PRKAA1: variants seen among roughly 807,000 people sequenced by gnomAD.
PRKAA1 encodes the protein 5'-AMP-activated protein kinase catalytic subunit alpha-1.
A neutral mutation model predicts 56.9 loss-of-function variants in PRKAA1; 23 were observed. The ratio of observed to expected loss-of-function variants is 0.40; its 90% CI spans 0.29 to 0.57. The LOEUF (loss-of-function observed/expected upper bound fraction) is 0.57. Ranked by LOEUF, PRKAA1 falls within the 20% of genes least tolerant of loss-of-function variation. The pLI is 0.39. For synonymous variants in PRKAA1, 226 were observed against 227.0 expected (o/e 1.00, Z 0.04); for missense variants, 413 against 679.7 (o/e 0.61, Z 4.36).
intron 1 of PRKAA1, 43 bp downstream of exon 1, chr5:40,798,020 G>A (rs1419660649): frequency 6.3e-7 from 1 of 1,596,134 alleles, no homozygotes; most frequent in Non-Finnish European, 8.6e-7. Flanking sequence ...GAAGTCGTGC[G>A]GCTCCTCAGC....
chr5:40,764,443 A>C, intron 8 of PRKAA1, 71 bp downstream of exon 8: 1 of 1,428,928 alleles, frequency 7.0e-7, no homozygotes, highest in Middle Eastern at 2.6e-4. Context: ...AGAAGCCTCA[A>C]AAGAATCAAG....
chr5:40,782,436 C>A (rs1372033636), intron 1 of PRKAA1, among the ~76,000 whole-genome samples: 1 of 152,096 alleles, frequency 6.6e-6, no homozygotes, highest in Non-Finnish European at 1.5e-5. Context: ...GGCTATGGGA[C>A]CTTCCCGGCC....
intron 1 of PRKAA1, among the ~76,000 whole-genome samples, chr5:40,797,789 T>C (rs1167217117): frequency 6.6e-6 from 1 of 152,002 alleles, no homozygotes; most frequent in East Asian, 1.9e-4. Context: ...AGTTTGCACC[T>C]TCGCATCCCA....
intron 8 of PRKAA1, among the ~76,000 whole-genome samples, chr5:40,763,266 C>A (rs1743278616): frequency 6.6e-6 from 1 of 152,058 alleles, no homozygotes; most frequent in South Asian, 2.1e-4. Flanking sequence ...CAGTTGCAAT[C>A]CAAGGTTAAG....
chr5:40,793,067 CAA>C (rs1235516933), intron 1 of PRKAA1, among the ~76,000 whole-genome samples: 8 of 109,168 alleles, frequency 7.3e-5, no homozygotes, highest in Admixed American at 9.7e-5. Flanking sequence ...AACTCCATCT[CAA>C]AAAAAAAAAA....
chr5:40,765,243 G>C lies in PRKAA1; in HGVS notation c.822-5C>G, dbSNP rs1433939166. 1 of 1,597,984 alleles carries C rather than the reference G, an allele frequency of 6.3e-7. No homozygotes were observed. Among genetic ancestry groups the C allele is most frequent in the African/African-American group, 1.3e-5 (1 of 74,242 alleles). On this transcript the variant is annotated splice_region_variant and splice_polypyrimidine_tract_variant and intron_variant, in intron 6 of 8. Coordinates refer to ENST00000397128, the MANE Select transcript of PRKAA1 (RefSeq NM_006251.6). ...TGTTTAAACCATTCATGTTCCCTGA[G>C]AGAAAAATGGCAGGATCAGGAGAAG...
intron 3 of PRKAA1, among the ~76,000 whole-genome samples, chr5:40,774,550 T>C (rs391241): frequency 0.7 from 90,844 of 129,322 alleles, 30,412 homozygotes; most frequent in East Asian, 0.8. Flanking sequence ...CCAGGCAGAA[T>C]TTTTTTTTTT....
At chr5:40,793,503 T>TA (rs1311351065) in intron 1 of PRKAA1, among the ~76,000 whole-genome samples, 4 of 152,222 alleles carry the variant, frequency 2.6e-5, no homozygotes, top group Non-Finnish European at 4.4e-5. Flanking sequence ...ATATCATACT[T>TA]AGACTTTTTC....
At chr5:40,795,002 T>TACACACACACACACAC (rs1268975851) in intron 1 of PRKAA1, among the ~76,000 whole-genome samples, 9 of 57,650 alleles carry the variant, frequency 1.6e-4, no homozygotes, top group African/African-American at 4.9e-4. Context: ...GGTGTATACA[T>TACACACACACACACAC]ATATATACAC....
At chr5:40,763,771 A>G (rs1432058867) in intron 8 of PRKAA1, among the ~76,000 whole-genome samples, 1 of 152,210 alleles carries the variant, frequency 6.6e-6, no homozygotes, top group Non-Finnish European at 1.5e-5. Context: ...TATGGACCTA[A>G]AGATAACCAG....
intron 1 of PRKAA1, among the ~76,000 whole-genome samples, chr5:40,786,118 G>A (rs550793207): frequency 5.3e-5 from 8 of 152,192 alleles, no homozygotes; most frequent in Non-Finnish European, 1.0e-4. Context: ...AGCCAGGAGT[G>A]GTGGAACACA....
chr5:40,763,926 T>C (rs1226378595), intron 8 of PRKAA1, among the ~76,000 whole-genome samples: 2 of 152,044 alleles, frequency 1.3e-5, no homozygotes, highest in African/African-American at 4.8e-5. Flanking sequence ...TAAGCAAAGG[T>C]GATACTATAT....
intron 1 of PRKAA1, 137 bp downstream of exon 1, chr5:40,797,926 C>T: frequency 7.1e-7 from 1 of 1,404,524 alleles, no homozygotes; most frequent in East Asian, 3.1e-5. Context: ...GGGGAGAGCT[C>T]CCGCAGGATC....
At chr5:40,782,630 CAAG>C (rs1289758234) in intron 1 of PRKAA1, among the ~76,000 whole-genome samples, 3 of 151,784 alleles carry the variant, frequency 2.0e-5, no homozygotes, top group South Asian at 2.1e-4. Flanking sequence ...TAGAGCAGAG[CAAG>C]AAGAATTTTA....
At chr5:40,768,810 TTC>T in intron 5 of PRKAA1, 1 of 1,478,050 alleles carries the variant, frequency 6.8e-7, no homozygotes. Context: ...CAAAGAGTTA[TTC>T]TTAAAAATAT....
rs1554031839 is a variant in PRKAA1 at position 40,774,549 on chromosome 5, A to ACTTTTTTTTTTTT, written c.363+860_363+861insAAAAAAAAAAAAG. Among the ~76,000 whole-genome samples the ACTTTTTTTTTTTT allele has an allele frequency of 2.4e-5, 3 of 125,084 alleles. 1 individual carries two copies. Among genetic ancestry groups the ACTTTTTTTTTTTT allele is most frequent in the African/African-American group, 6.2e-5 (2 of 32,464 alleles). 82.1% of individuals were successfully genotyped at this position (125,084 alleles called of 152,430 possible). Reference sequence around the variant, plus strand: ...CCTGTTTCCCATTTCTCCAGGCAGAATTTTTTTTTTTTTTTTTTTTTTGGT... The same window carrying ACTTTTTTTTTTTT: ...CCTGTTTCCCATTTCTCCAGGCAGAACTTTTTTTTTTTTTTTTTTTTTTTTTTTTTTTTTTGGT... On this transcript the variant is annotated intron_variant, in intron 3 of 8. Coordinates refer to ENST00000397128, the MANE Select transcript of PRKAA1 (RefSeq NM_006251.6).
intron 7 of PRKAA1, 47 bp from the exon 8 acceptor site, chr5:40,764,687 A>G: frequency 6.2e-7 from 1 of 1,604,924 alleles, no homozygotes; most frequent in Non-Finnish European, 8.5e-7. Flanking sequence ...ATTCTTCTAT[A>G]AAACATTTTA....
chr5:40,797,903 C>T (rs1001998321), intron 1 of PRKAA1, among the ~76,000 whole-genome samples, 160 bp downstream of exon 1: 5 of 151,862 alleles, frequency 3.3e-5, no homozygotes, highest in Non-Finnish European at 7.4e-5. Context: ...CGCGCCGCAG[C>T]CCCGCGGCGG....
chr5:40,780,067 A>G (rs1175937751), intron 1 of PRKAA1, among the ~76,000 whole-genome samples: 1 of 152,062 alleles, frequency 6.6e-6, no homozygotes, highest in Non-Finnish European at 1.5e-5. Flanking sequence ...GCTTTCTTAT[A>G]TTTTTCACCT....
Sources: gnomAD v4.1 joint callset for allele counts (sites outside exome capture counted in the v4.1 genomes callset) on GRCh38, gnomAD v4.1.1 for gene constraint, MANE v1.5 for transcripts, NCBI Gene and HGNC (gene_info 2026-07-23, HGNC 2026-07-21) for gene names.